The following FANCD2 variants were observed in gnomAD, a reference collection of about 807,000 sequenced individuals.
The protein encoded by FANCD2 is FA complementation group D2, also known as Fanconi anemia group D2 protein.
A neutral mutation model predicts 192.3 loss-of-function variants in FANCD2; 131 were observed. That is an observed-to-expected ratio of 0.68 (90% CI 0.59 to 0.79). FANCD2 has a LOEUF of 0.79. Ranked by LOEUF, FANCD2 falls within the 30% of genes least tolerant of loss-of-function variation. FANCD2 has a pLI of 0.00. For synonymous variants in FANCD2, 524 were observed against 612.5 expected (o/e 0.86, Z 2.13); for missense variants, 1,508 against 1,701.6 (o/e 0.89, Z 2.00).
chr3:10,075,067 C>T (rs1345004866), intron 29 of FANCD2, among the ~76,000 whole-genome samples: 2 of 152,186 alleles, frequency 1.3e-5, no homozygotes, highest in Non-Finnish European at 2.9e-5. Context: ...GTGTTTGCCA[C>T]TAATCAAAGC....
chr3:10,046,035 C>G (rs1390317148), intron 14 of FANCD2, among the ~76,000 whole-genome samples: 1 of 147,616 alleles, frequency 6.8e-6, no homozygotes, highest in Non-Finnish European at 1.5e-5. Context: ...ATATCACTTT[C>G]ATGCATATTG....
chr3:10,091,005 AC>A (rs1470226447), intron 37 of FANCD2, among the ~76,000 whole-genome samples: 3 of 151,900 alleles, frequency 2.0e-5, no homozygotes, highest in Non-Finnish European at 2.9e-5. Flanking sequence ...CAGCCTGCTA[AC>A]CAGAACGGAG....
Position 10,042,667 on chromosome 3 carries a change from T to TG in FANCD2, c.888+5dup. On this transcript the variant is annotated splice_donor_region_variant and intron_variant, in intron 11 of 43. Transcript: ENST00000675286. ...AACAGCCATGGATACACTTGAGGTATGCTCTTATATCCCATCACACCTAGA... is the reference window on the plus strand; with the variant it reads ...AACAGCCATGGATACACTTGAGGTATGGCTCTTATATCCCATCACACCTAGA... 2 of 1,608,284 alleles carry TG rather than the reference T, an allele frequency of 1.2e-6. No homozygotes were observed. The highest frequency in any genetic ancestry group is 1.7e-6 in the Non-Finnish European group (2 of 1,174,674).
In FANCD2 at chr3:10,043,825, T is replaced by G; in HGVS notation, c.1099-4T>G. ...ATTTTTGTGACTCTCTCCTGTTTTT[T>G]CAGGCAATTGAAAACACTGCCTCAG... On this transcript the variant is annotated splice_region_variant and splice_polypyrimidine_tract_variant and intron_variant, in intron 13 of 43. Coordinates refer to ENST00000675286, the MANE Select transcript of FANCD2 (RefSeq NM_001018115.3). 1 of 1,613,506 alleles carries G rather than the reference T, an allele frequency of 6.2e-7. No homozygotes were observed.
intron 42 of FANCD2, 117 bp from the exon 43 acceptor site, chr3:10,098,603 T>C: frequency 7.9e-7 from 1 of 1,262,348 alleles, no homozygotes; most frequent in African/African-American, 1.5e-5. Flanking sequence ...CCATGTTTGC[T>C]GTGTTTTGAA....
intron 36 of FANCD2, among the ~76,000 whole-genome samples, chr3:10,089,546 T>C (rs906974612): frequency 6.6e-6 from 1 of 151,674 alleles, no homozygotes; most frequent in African/African-American, 2.4e-5. Context: ...CTCAGCTCAC[T>C]GCAACCTCCA....
chr3:10,090,399 T>C lies in FANCD2; in HGVS notation c.3777+14T>C. 2.0e-6 allele frequency: 3 copies of C among 1,534,520 alleles called. No individual in the cohort carries two copies. The highest frequency in any genetic ancestry group is 2.7e-6 in the Non-Finnish European group (3 of 1,116,534). On this transcript the variant is annotated intron_variant, in intron 37 of 43. Transcript: ENST00000675286. ...GACTCGCAGCAGGTGAGTAAGATAATAGTCACTTCAAGAAGTGGACTTTGG... is the reference window on the plus strand; with the variant it reads ...GACTCGCAGCAGGTGAGTAAGATAACAGTCACTTCAAGAAGTGGACTTTGG...
Position 10,064,753 on chromosome 3 carries a change from A to G in FANCD2, c.2046A>G (p.Ala682=). ...GTGACTTTCCATTTCCTGTGAAAGC[A>G]CTGTACGGACTGGAAGAATACGACA... The part of the protein sequence containing the change: ...PEGDFPFPVK[A]LYGLEEYDTQ... The change falls in exon 23 of 44, where the codon GCA becomes GCG. Residue 682 remains alanine, a synonymous_variant. Transcript: ENST00000675286. 6.2e-7 allele frequency: 1 copy of G among 1,614,146 alleles called. No homozygotes were observed. Among genetic ancestry groups the G allele is most frequent in the Non-Finnish European group, 8.5e-7 (1 of 1,179,966 alleles).
rs1396558242 is a variant in FANCD2, at chr3:10,028,686, C to G, written c.29C>G (p.Ser10Cys). Residue 10 changes from serine (S) to cysteine (C), a missense_variant, in exon 2 of 44, where the codon TCT becomes TGT. Transcript: ENST00000675286. ...GTTTCCAAAAGAAGACTGTCAAAAT[C>G]TGAGGATAAAGAGAGCCTGACAGAA... is the stretch of plus-strand genomic sequence containing the variant. Reference protein sequence around the residue: MVSKRRLSKSEDKESLTEDA... With the variant: MVSKRRLSKCEDKESLTEDA... The G allele has an allele frequency of 6.2e-7, 1 of 1,614,120 alleles. No homozygotes were observed. The highest frequency in any genetic ancestry group is 2.2e-5 in the East Asian group (1 of 44,868).
chr3:10,092,083 G>A, intron 37 of FANCD2, 98 bp from the exon 38 acceptor site: 1 of 900,988 alleles, frequency 1.1e-6, no homozygotes. Flanking sequence ...TTAAATATCT[G>A]TATAGCTATG....
At position 10,027,904 on chromosome 3, in the gene FANCD2, CA is replaced by C. The variant is rs145483323; in HGVS notation, c.-33-701del. 8.6e-3 allele frequency among the ~76,000 whole-genome samples: 571 copies of C among 66,504 alleles called. 4 individuals are homozygous for C. The highest frequency in any genetic ancestry group is 0.025 in the Middle Eastern group (3 of 120). 43.6% of individuals were successfully genotyped at this position (66,504 alleles called of 152,430 possible). On this transcript the variant is annotated intron_variant, in intron 1 of 43. Coordinates refer to ENST00000675286, the MANE Select transcript of FANCD2 (RefSeq NM_001018115.3). ...TGGGTGACAGAGTGAGACTCCGTCTCAAAAAAAAAAAAAAAAAAAATCACTT... is the reference window on the plus strand; with the variant it reads ...TGGGTGACAGAGTGAGACTCCGTCTCAAAAAAAAAAAAAAAAAAATCACTT...
chr3:10,093,622 G>T (rs542617214), intron 39 of FANCD2, among the ~76,000 whole-genome samples: 1 of 152,172 alleles, frequency 6.6e-6, no homozygotes, highest in East Asian at 1.9e-4. Flanking sequence ...CCAGGCAAAA[G>T]GGAGGAAGGA....
In FANCD2 at chr3:10,101,413, A is replaced by C. The variant is rs1266060204; in HGVS notation, c.*151A>C. ...TTTTTTTTTTTTTTTAAAGACGGGG[A>C]CTCGCTGTGTTTCCCAGGCTGGAGT... On this transcript the variant is annotated 3_prime_UTR_variant, in exon 44 of 44. Transcript: ENST00000675286. The C allele has an allele frequency of 5.3e-6, 3 of 561,498 alleles. No homozygotes were observed. The highest frequency in any genetic ancestry group is 1.9e-5 in the South Asian group (1 of 51,672). The allele number at this position is 561,498 out of a possible 1,614,324, so 34.8% of individuals were successfully genotyped here. A position where few individuals can be genotyped will look rare whatever the true frequency, so the allele number is the denominator to read the frequency against.
intron 21 of FANCD2, 128 bp downstream of exon 21, chr3:10,064,039 G>A: frequency 1.5e-6 from 2 of 1,356,246 alleles, no homozygotes; most frequent in South Asian, 1.3e-5. Flanking sequence ...ACTGGGAAAG[G>A]CTTTTCTGCC....
intron 3 of FANCD2, among the ~76,000 whole-genome samples, chr3:10,034,010 T>G (rs2086666899): frequency 6.6e-6 from 1 of 150,632 alleles, no homozygotes; most frequent in Non-Finnish European, 1.5e-5. Flanking sequence ...GCTAAGTCTT[T>G]TATGTGGGTT....
chr3:10,092,073 T>C, intron 37 of FANCD2, 108 bp from the exon 38 acceptor site: 4 of 874,106 alleles, frequency 4.6e-6, no homozygotes, highest in African/African-American at 3.3e-5. Context: ...GATAATTGGC[T>C]TAAATATCTG....
At chr3:10,038,493 C>T (rs562303208) in intron 7 of FANCD2, among the ~76,000 whole-genome samples, 49 of 151,548 alleles carry the variant, frequency 3.2e-4, no homozygotes, top group African/African-American at 1.2e-3. Flanking sequence ...ATTGAGCCAA[C>T]ATTTCTTTAT....
At chr3:10,031,373 T>G (rs34599169) in intron 2 of FANCD2, among the ~76,000 whole-genome samples, 2,415 of 152,000 alleles carry the variant, frequency 0.016, 25 homozygotes, top group Non-Finnish European at 0.025. Flanking sequence ...CGTGGTGGTG[T>G]GCACCTGTAG....
chr3:10,054,438 TGTATATAC>T (rs1282185202), intron 18 of FANCD2, among the ~76,000 whole-genome samples: 27 of 56,950 alleles, frequency 4.7e-4, no homozygotes, highest in African/African-American at 2.1e-3. Context: ...TGTATATACA[TGTATATAC>T]ATATATATAT....
Sources: allele counts gnomAD v4.1 joint callset (sites outside exome capture counted in the v4.1 genomes callset), GRCh38; gene constraint gnomAD v4.1.1; transcripts MANE v1.5; gene names NCBI Gene and HGNC (gene_info 2026-07-23, HGNC 2026-07-21).